GDF2: variants seen among roughly 807,000 people sequenced by gnomAD.
The protein encoded by GDF2 is growth/differentiation factor 2.
GDF2 carries 17 observed loss-of-function variants against 16.9 expected under a neutral mutation model. That is an observed-to-expected ratio of 1.00 (90% CI 0.69 to 1.51). GDF2 has a LOEUF of 1.51. Among genes scored for constraint, GDF2 ranks in the 40% most tolerant of loss-of-function variants. GDF2 has a pLI of 0.00. For missense variants in GDF2, 523 were observed against 556.3 expected, an observed-to-expected ratio of 0.94 and a Z score of 0.60; for synonymous variants, 276 against 237.6, an observed-to-expected ratio of 1.16 and a Z score of -1.49.
chr10:47,325,932 A>C lies in GDF2; in HGVS notation c.*148A>C. The C allele has an allele frequency of 1.7e-6, 1 of 597,958 alleles. No individual in the cohort carries two copies. Among genetic ancestry groups the C allele is most frequent in the Non-Finnish European group, 2.8e-6 (1 of 351,316 alleles). 37.0% of individuals were successfully genotyped at this position (597,958 alleles called of 1,614,324 possible). Reference sequence around the variant, plus strand: ...GCTCTCCCTCCCCACACCCCACCCAAAGCATACACCGCTGAGCTCAACTGC... The same window carrying C: ...GCTCTCCCTCCCCACACCCCACCCACAGCATACACCGCTGAGCTCAACTGC... On this transcript the variant is annotated 3_prime_UTR_variant, in exon 2 of 2. Coordinates refer to ENST00000581492, the MANE Select transcript of GDF2 (RefSeq NM_016204.4).
At chr10:47,323,221 G>C (rs954675039) in intron 1 of GDF2, among the ~76,000 whole-genome samples, 33 of 152,340 alleles carry the variant, frequency 2.2e-4, no homozygotes, top group African/African-American at 7.9e-4. Flanking sequence ...AGGCAGTGCA[G>C]ACTGAAGAAC....
chr10:47,325,132 G>C lies in GDF2; in HGVS notation c.638G>C (p.Arg213Pro). 1 of 1,613,970 alleles carries C rather than the reference G, an allele frequency of 6.2e-7. No homozygotes were observed. Among genetic ancestry groups the C allele is most frequent in the Non-Finnish European group, 8.5e-7 (1 of 1,180,036 alleles). Residue 213 changes from arginine to proline, a missense_variant, in exon 2 of 2, where the codon CGC becomes CCC. By Grantham distance (103) the Arg-to-Pro change is moderately radical. Coordinates refer to ENST00000581492, the MANE Select transcript of GDF2 (RefSeq NM_016204.4). ...TTGGAAGTGTCCAGCGCCGTGAAGC[G>C]CTGGGTCCGGTCCGACTCCACCAAG... Reference protein sequence around the residue: ...ETLEVSSAVKRWVRSDSTKSK... With the variant: ...ETLEVSSAVKPWVRSDSTKSK...
rs1331810914 is a variant in GDF2 at position 47,326,177 on chromosome 10, G to T, written c.*393G>T. 14 of 179,918 alleles carry T rather than the reference G, an allele frequency of 7.8e-5. No individual in the cohort carries two copies. In the Admixed American group the frequency reaches 7.9e-4, roughly 10 times the overall value. The allele number at this position is 179,918 out of a possible 1,614,324, so 11.1% of individuals were successfully genotyped here. ...GCCAGCTCGCTCCAAAACCCTTGGG[G>T]AGTAGAGGGAAGGAGCAGGCCGCGT... On this transcript the variant is annotated 3_prime_UTR_variant, in exon 2 of 2. Coordinates refer to ENST00000581492, the MANE Select transcript of GDF2 (RefSeq NM_016204.4).
In GDF2 at chr10:47,325,793, T is replaced by C. The variant is rs985526186; in HGVS notation, c.*9T>C. On this transcript the variant is annotated 3_prime_UTR_variant, in exon 2 of 2. Transcript: ENST00000581492. ...AGTGTGGGTGCAGGTAGTATCTGCC[T>C]GCGGGGCTGGGGAGGCAGGCCAAAG... 4.6e-6 allele frequency: 7 copies of C among 1,519,976 alleles called. No individual in the cohort carries two copies. In the African/African-American group the frequency reaches 9.7e-5, roughly 21 times the overall value. The allele number at this position is 1,519,976 out of a possible 1,614,324, so 94.2% of individuals were successfully genotyped here.
intron 1 of GDF2, 24 bp from the exon 2 acceptor site, chr10:47,324,815 GCC>G (rs1555208858): frequency 6.6e-7 from 1 of 1,508,004 alleles, no homozygotes; most frequent in Admixed American, 1.7e-5. Context: ...TCCAGCAGAT[GCC>G]CACCACGTGT....
In GDF2 at chr10:47,327,112, C is replaced by T. The variant is rs1381734391; in HGVS notation, c.*1328C>T. Reference sequence around the variant, plus strand: ...TGGGCTCGGACTGTGGGACCAGACTCAGCCTCCCCGAACACAAGGGAAGAT... The same window carrying T: ...TGGGCTCGGACTGTGGGACCAGACTTAGCCTCCCCGAACACAAGGGAAGAT... On this transcript the variant is annotated 3_prime_UTR_variant, in exon 2 of 2. Coordinates refer to ENST00000581492, the MANE Select transcript of GDF2 (RefSeq NM_016204.4). Among the ~76,000 whole-genome samples, 1 of 152,218 alleles carries T rather than the reference C, an allele frequency of 6.6e-6. No homozygotes were observed. The highest frequency in any genetic ancestry group is 1.5e-5 in the Non-Finnish European group (1 of 68,042).
rs191271906 is a variant in GDF2, at chr10:47,322,469, G to T, written c.-200G>T. 1.6e-4 allele frequency: 81 copies of T among 507,520 alleles called. No individual in the cohort carries two copies. The highest frequency in any genetic ancestry group is 1.4e-3 in the African/African-American group (76 of 52,928). The allele number at this position is 507,520 out of a possible 1,614,324, so 31.4% of individuals were successfully genotyped here. ...AGGCTCCCTCAGATAAGACGTCGGA[G>T]CGCGGCATCGAGGACCAGATAAGCA... is the stretch of plus-strand genomic sequence containing the variant. On this transcript the variant is annotated 5_prime_UTR_variant, in exon 1 of 2. Coordinates refer to ENST00000581492, the MANE Select transcript of GDF2 (RefSeq NM_016204.4).
In GDF2 at chr10:47,322,581, G is replaced by C; in HGVS notation, c.-88G>C. The C allele has an allele frequency of 2.0e-6, 2 of 1,000,660 alleles. No homozygotes were observed. Among genetic ancestry groups the C allele is most frequent in the Non-Finnish European group, 2.8e-6 (2 of 702,612 alleles). 62.0% of individuals were successfully genotyped at this position (1,000,660 alleles called of 1,614,324 possible). ...TCAGAGCAAACAGCAGGGAGATGCC[G>C]GCCCGCTCCTTCCCAGCTCCTCCCC... On this transcript the variant is annotated 5_prime_UTR_variant, in exon 1 of 2. Transcript: ENST00000581492.
At position 47,327,070 on chromosome 10, in the gene GDF2, C is replaced by T. The variant is rs1196880915; in HGVS notation, c.*1286C>T. ...TTTGCCGGCTCTCTTGAGTCACGTG[C>T]ATCCCAGCACCCCGCCTGGGCTCGG... On this transcript the variant is annotated 3_prime_UTR_variant, in exon 2 of 2. Coordinates refer to ENST00000581492, the MANE Select transcript of GDF2 (RefSeq NM_016204.4). Among the ~76,000 whole-genome samples, 1 of 152,202 alleles carries T rather than the reference C, an allele frequency of 6.6e-6. No individual in the cohort carries two copies.
chr10:47,325,855 C>A lies in GDF2; in HGVS notation c.*71C>A. ...GAGAGGTCCTGCATGCCCCTGGGCA[C>A]AACAAGGACTGATTCAATCTGCATG... is the stretch of plus-strand genomic sequence containing the variant. On this transcript the variant is annotated 3_prime_UTR_variant, in exon 2 of 2. Transcript: ENST00000581492. The A allele has an allele frequency of 2.7e-6, 3 of 1,121,372 alleles. No individual in the cohort carries two copies. The highest frequency in any genetic ancestry group is 3.7e-6 in the Non-Finnish European group (3 of 801,290). 69.5% of individuals were successfully genotyped at this position (1,121,372 alleles called of 1,614,324 possible). A position where few individuals can be genotyped will look rare whatever the true frequency, so the allele number is the denominator to read the frequency against.
intron 1 of GDF2, among the ~76,000 whole-genome samples, chr10:47,324,467 T>C (rs1555208835): frequency 1.3e-5 from 2 of 152,214 alleles, no homozygotes; most frequent in Admixed American, 6.5e-5. Context: ...TGTATGCATT[T>C]TGGCAATTAA....
Position 47,323,024 on chromosome 10 carries a change from C to T in GDF2, c.346+10C>T, listed in dbSNP as rs117345807. The T allele has an allele frequency of 1.1e-3, 1,669 of 1,574,624 alleles. 27 individuals carry two copies. The East Asian group carries it at 0.036, about 34-fold the overall frequency. ...AGCTTCAGCATGGAAGGTAGGGTCTCCGCTTGCACCATGCGCGCTGGGGTG... is the reference window on the plus strand; with the variant it reads ...AGCTTCAGCATGGAAGGTAGGGTCTTCGCTTGCACCATGCGCGCTGGGGTG... On this transcript the variant is annotated intron_variant, in intron 1 of 1. Coordinates refer to ENST00000581492, the MANE Select transcript of GDF2 (RefSeq NM_016204.4).
In GDF2 at chr10:47,325,790, G is replaced by C; in HGVS notation, c.*6G>C. 1 of 1,522,436 alleles carries C rather than the reference G, an allele frequency of 6.6e-7. No individual in the cohort carries two copies. The highest frequency in any genetic ancestry group is 8.8e-7 in the Non-Finnish European group (1 of 1,134,426). 94.3% of individuals were successfully genotyped at this position (1,522,436 alleles called of 1,614,324 possible). A position where few individuals can be genotyped will look rare whatever the true frequency, so the allele number is the denominator to read the frequency against. ...CAGAGTGTGGGTGCAGGTAGTATCT[G>C]CCTGCGGGGCTGGGGAGGCAGGCCA... On this transcript the variant is annotated 3_prime_UTR_variant, in exon 2 of 2. Coordinates refer to ENST00000581492, the MANE Select transcript of GDF2 (RefSeq NM_016204.4).
At position 47,325,114 on chromosome 10, in the gene GDF2, T is replaced by G; in HGVS notation, c.620T>G (p.Val207Gly). The change falls in exon 2 of 2, where the codon GTG becomes GGG. Residue 207 changes from valine (V) to glycine (G), a missense_variant. Val to Gly is a moderately radical substitution (Grantham distance 109). Transcript: ENST00000581492. ...GATGAGGGCTGGGAGACCTTGGAAG[T>G]GTCCAGCGCCGTGAAGCGCTGGGTC... is the stretch of plus-strand genomic sequence containing the variant. ...IQDEGWETLE[V>G]SSAVKRWVRS... is the part of the protein sequence containing the mutation. The G allele has an allele frequency of 6.2e-7, 1 of 1,613,916 alleles. No individual in the cohort carries two copies. Among genetic ancestry groups the G allele is most frequent in the Non-Finnish European group, 8.5e-7 (1 of 1,180,020 alleles).
Position 47,326,923 on chromosome 10 carries a change from A to G in GDF2, c.*1139A>G, listed in dbSNP as rs1399846904. 6.6e-6 allele frequency among the ~76,000 whole-genome samples: 1 copy of G among 152,206 alleles called. No individual in the cohort carries two copies. Among genetic ancestry groups the G allele is most frequent in the African/African-American group, 2.4e-5 (1 of 41,440 alleles). ...GTGCTCTGGCTTTGGTCTTTGAAAC[A>G]TATCTATTTTTATTCCTTGGTGACA... On this transcript the variant is annotated 3_prime_UTR_variant, in exon 2 of 2. Coordinates refer to ENST00000581492, the MANE Select transcript of GDF2 (RefSeq NM_016204.4).
At position 47,325,939 on chromosome 10, in the gene GDF2, C is replaced by T. The variant is rs1425604931; in HGVS notation, c.*155C>T. ...CTCCCCACACCCCACCCAAAGCATA[C>T]ACCGCTGAGCTCAACTGCCAGGGAA... On this transcript the variant is annotated 3_prime_UTR_variant, in exon 2 of 2. Coordinates refer to ENST00000581492, the MANE Select transcript of GDF2 (RefSeq NM_016204.4). 2 of 554,286 alleles carry T rather than the reference C, an allele frequency of 3.6e-6. No individual in the cohort carries two copies. Among genetic ancestry groups the T allele is most frequent in the African/African-American group, 1.9e-5 (1 of 53,534 alleles). 34.3% of individuals were successfully genotyped at this position (554,286 alleles called of 1,614,324 possible).
Position 47,326,068 on chromosome 10 carries a change from A to C in GDF2, c.*284A>C, listed in dbSNP as rs2061106109. 1 of 341,300 alleles carries C rather than the reference A, an allele frequency of 2.9e-6. No homozygotes were observed. Among genetic ancestry groups the C allele is most frequent in the African/African-American group, 2.1e-5 (1 of 48,428 alleles). 21.1% of individuals were successfully genotyped at this position (341,300 alleles called of 1,614,324 possible). On this transcript the variant is annotated 3_prime_UTR_variant, in exon 2 of 2. Transcript: ENST00000581492. ...ACAGGGGGAAAAATAATCCATAGTC[A>C]GCAGAAAACAACAGCAGTGAGCCAG...
rs782198119 is a variant in GDF2 at position 47,325,606 on chromosome 10, C to T, written c.1112C>T (p.Thr371Met). 6.3e-5 allele frequency: 102 copies of T among 1,614,022 alleles called. No individual in the cohort carries two copies. The highest frequency in any genetic ancestry group is 4.4e-5 in the Non-Finnish European group (52 of 1,180,038). Reference sequence around the variant, plus strand: ...CCCTTGGCTGACGATGTGACGCCGACGAAACACGCTATCGTGCAGACCCTG... The same window carrying T: ...CCCTTGGCTGACGATGTGACGCCGATGAAACACGCTATCGTGCAGACCCTG... ...FFPLADDVTP[T>M]KHAIVQTLVH... Residue 371 changes from threonine (T) to methionine (M), a missense_variant, in exon 2 of 2, where the codon ACG becomes ATG. By Grantham distance (81) the Thr-to-Met change is moderately conservative. Coordinates refer to ENST00000581492, the MANE Select transcript of GDF2 (RefSeq NM_016204.4).
At position 47,322,875 on chromosome 10, in the gene GDF2, C is replaced by T. The variant is rs1229631161; in HGVS notation, c.207C>T (p.Ser69=). The change falls in exon 1 of 2, where the codon AGC becomes AGT. Residue 69 remains serine, a synonymous_variant. Coordinates refer to ENST00000581492, the MANE Select transcript of GDF2 (RefSeq NM_016204.4). ...ACGTGAAGGTGGATTTCCTGCGCAGCCTTAACCTGAGTGGGGTCCCTTCGC... is the reference window on the plus strand; with the variant it reads ...ACGTGAAGGTGGATTTCCTGCGCAGTCTTAACCTGAGTGGGGTCCCTTCGC... ...LENVKVDFLR[S]LNLSGVPSQD... is the part of the protein sequence containing the mutation. The T allele has an allele frequency of 1.4e-5, 22 of 1,614,068 alleles. No individual in the cohort carries two copies. Among genetic ancestry groups the T allele is most frequent in the Non-Finnish European group, 1.9e-5 (22 of 1,180,034 alleles).
Sources: gnomAD v4.1 joint callset for allele counts (sites outside exome capture counted in the v4.1 genomes callset) on GRCh38, gnomAD v4.1.1 for gene constraint, MANE v1.5 for transcripts, NCBI Gene and HGNC (gene_info 2026-07-23, HGNC 2026-07-21) for gene names.